Variants in NASP observed in about 807,000 individuals in gnomAD.
NASP encodes the protein NASP histone chaperone.
NASP carries 24 observed loss-of-function variants against 89.5 expected under a neutral mutation model. The ratio of observed to expected loss-of-function variants is 0.27; its 90% CI spans 0.19 to 0.38. The LOEUF (loss-of-function observed/expected upper bound fraction) is 0.38. Among genes scored for constraint, NASP ranks in the 10% least tolerant of loss-of-function variants. The pLI is 1.00. For synonymous variants in NASP, 306 were observed against 324.7 expected (o/e 0.94, Z 0.62); for missense variants, 848 against 921.4 (o/e 0.92, Z 1.03).
chr1:45,588,357 C>G lies in NASP; in HGVS notation c.60-2866C>G, dbSNP rs75198497. 3.5e-3 allele frequency among the ~76,000 whole-genome samples: 535 copies of G among 152,212 alleles called. 6 individuals are homozygous for G. Among genetic ancestry groups the G allele is most frequent in the East Asian group, 0.034 (175 of 5,118 alleles). ...GACCTCAGGTGATCCACTCACCTTG[C>G]CTTTCCAAAGTTCTGGGATTATAGG... On this transcript the variant is annotated intron_variant, in intron 1 of 14. Transcript: ENST00000350030.
Position 45,617,554 on chromosome 1 carries a change from C to T in NASP, c.2249C>T (p.Pro750Leu), listed in dbSNP as rs72883665. ...AACGGAGGCAGTGGGGATGCTGTCC[C>T]CAGTGGAAATGAAGTTTCGGAAAAC... ...EVNGGSGDAV[P>L]SGNEVSENME... Residue 750 changes from proline (P) to leucine (L), a missense_variant, in exon 14 of 15, where the codon CCC (proline) becomes CTC (leucine). Pro to Leu is a moderately conservative substitution (Grantham distance 98, BLOSUM62 -3). This residue lies in a region of NASP where 218 missense variants were observed against 219.6 expected (regional missense o/e 0.99). Transcript: ENST00000350030. 1,432 of 1,600,866 alleles carry T rather than the reference C, an allele frequency of 8.9e-4. 11 individuals are homozygous for T. The African/African-American group carries it at 0.017, about 20-fold the overall frequency.
intron 2 of NASP, among the ~76,000 whole-genome samples, chr1:45,598,706 A>G (rs1028927199): frequency 2.0e-5 from 3 of 152,170 alleles, no homozygotes; most frequent in Non-Finnish European, 4.4e-5. Flanking sequence ...ACTGTACAGT[A>G]ATTGATTGCC....
At chr1:45,595,129 TTGTGTGTGTG>T (rs57391869) in intron 2 of NASP, among the ~76,000 whole-genome samples, 6,142 of 111,796 alleles carry the variant, frequency 0.055, 238 homozygotes, top group African/African-American at 0.12. Context: ...AGACTAAGTT[TTGTGTGTGTG>T]TGTGTGTGTG....
chr1:45,613,031 C>G (rs1427850931), intron 6 of NASP, 138 bp from the exon 7 acceptor site: 10 of 1,222,142 alleles, frequency 8.2e-6, no homozygotes, highest in Non-Finnish European at 1.1e-5. Context: ...ACGATATATT[C>G]AGTTCAGGTG....
chr1:45,598,869 T>C (rs772219598), intron 2 of NASP, among the ~76,000 whole-genome samples: 1 of 149,116 alleles, frequency 6.7e-6, no homozygotes, highest in Non-Finnish European at 1.5e-5. Flanking sequence ...TCAATAACTT[T>C]ATGAGGTGTA....
rs202034638 is a variant in NASP, at chr1:45,597,150, T to TA, written c.108-5104dup. Among the ~76,000 whole-genome samples, 1,147 of 151,938 alleles carry TA rather than the reference T, an allele frequency of 7.5e-3. 14 individuals are homozygous for TA. Among genetic ancestry groups the TA allele is most frequent in the Admixed American group, 0.015 (232 of 15,254 alleles). On this transcript the variant is annotated intron_variant, in intron 2 of 14. Transcript: ENST00000350030. ...ATGGTGAAACCGTCTCTACTAAAAA[T>TA]ACAAAAATTAGCTGGGTGTGGTGGT...
In NASP at chr1:45,586,306, T is replaced by TGTGTGTGTGG. The variant is rs1312927441; in HGVS notation, c.59+2104_59+2105insTGTGTGGGTG. Among the ~76,000 whole-genome samples, 3 of 130,964 alleles carry TGTGTGTGTGG rather than the reference T, an allele frequency of 2.3e-5. No homozygotes were observed. The East Asian group carries it at 7.0e-4, about 31-fold the overall frequency. The allele number at this position is 130,964 out of a possible 152,430, so 85.9% of individuals were successfully genotyped here. ...TGTGGTGTGTGTGTGTGTGTGTGTG[T>TGTGTGTGTGG]GTGGTGTGTGTGTGTGTCACCCAGG... is the stretch of plus-strand genomic sequence containing the variant. On this transcript the variant is annotated intron_variant, in intron 1 of 14. Transcript: ENST00000350030.
In NASP at chr1:45,600,632, TAAAG is replaced by T. The variant is rs372071652; in HGVS notation, c.108-1622_108-1619del. Among the ~76,000 whole-genome samples, 584 of 152,372 alleles carry T rather than the reference TAAAG, an allele frequency of 3.8e-3. 4 individuals carry two copies. Among genetic ancestry groups the T allele is most frequent in the African/African-American group, 0.013 (552 of 41,592 alleles). On this transcript the variant is annotated intron_variant, in intron 2 of 14. Transcript: ENST00000350030. ...GGGTTTCCAGTTTTTGGCTTACAAA[TAAAG>T]CTGCTGTGAATATTTGTGTACAAGT...
chr1:45,616,573 A>G, intron 12 of NASP, 53 bp from the exon 13 acceptor site: 1 of 1,574,616 alleles, frequency 6.4e-7, no homozygotes, highest in South Asian at 1.1e-5. Context: ...TAAAAGCCTC[A>G]GCATTGATCT....
At chr1:45,612,998 C>T (rs1644041239) in intron 6 of NASP, 171 bp from the exon 7 acceptor site, 1 of 881,452 alleles carries the variant, frequency 1.1e-6, no homozygotes, top group Admixed American at 3.9e-5. Flanking sequence ...CTAGGTTACA[C>T]TTGAACTAGA....
rs552804607 is a variant in NASP, at chr1:45,593,360, C to G, written c.107+2090C>G. Among the ~76,000 whole-genome samples the G allele has an allele frequency of 1.9e-3, 288 of 151,978 alleles. 1 individual carries two copies. Among genetic ancestry groups the G allele is most frequent in the Non-Finnish European group, 3.5e-3 (239 of 67,986 alleles). ...CCAGCCTGGCCAACATGGTGAAACC[C>G]TCTCTCTACTAAAAATACAAAAATT... On this transcript the variant is annotated intron_variant, in intron 2 of 14. Coordinates refer to ENST00000350030, the MANE Select transcript of NASP (RefSeq NM_002482.4).
At chr1:45,591,347 ATTTT>A (rs1643543557) in intron 2 of NASP, 77 bp downstream of exon 2, 1 of 1,021,260 alleles carries the variant, frequency 9.8e-7, no homozygotes, top group African/African-American at 1.7e-5. Flanking sequence ...AGTTATTTTT[ATTTT>A]TTAATTAATT....
Position 45,608,025 on chromosome 1 carries a change from C to T in NASP, c.1114C>T (p.Pro372Ser), listed in dbSNP as rs200497808. The change falls in exon 6 of 15, where the codon CCA (proline) becomes TCA (serine). Residue 372 changes from proline to serine, a missense_variant. This residue lies in a region of NASP where 464 missense variants were observed against 469.4 expected (regional missense o/e 0.99). Coordinates refer to ENST00000350030, the MANE Select transcript of NASP (RefSeq NM_002482.4). Reference protein sequence around the residue: ...EVSEKPGQEAPVLPKDGAVNG... With the variant: ...EVSEKPGQEASVLPKDGAVNG... ...CTCTGAAAAGCCTGGGCAGGAGGCT[C>T]CAGTTCTCCCTAAGGATGGTGCAGT... The T allele has an allele frequency of 6.4e-7, 1 of 1,562,686 alleles. No homozygotes were observed.
intron 2 of NASP, chr1:45,600,456 C>T (rs1318400326): frequency 7.4e-6 from 9 of 1,221,662 alleles, no homozygotes; most frequent in East Asian, 6.5e-5. Flanking sequence ...TAGAATCATA[C>T]AGTAAGTACT....
chr1:45,602,030 G>A (rs532198058), intron 2 of NASP, among the ~76,000 whole-genome samples: 1 of 152,234 alleles, frequency 6.6e-6, no homozygotes, highest in African/African-American at 2.4e-5. Flanking sequence ...GGGATTACAG[G>A]CATGAGTCAC....
At position 45,607,882 on chromosome 1, in the gene NASP, A is replaced by C. The variant is rs755510169; in HGVS notation, c.971A>C (p.Glu324Ala). The change falls in exon 6 of 15, where the codon GAG becomes GCG. Residue 324 changes from glutamate (E) to alanine (A), a missense_variant. Glu to Ala is a moderately radical substitution (Grantham distance 107, BLOSUM62 -1). Transcript: ENST00000350030. ...PEEKVVTSEN[E>A]AGKAVLEQLV... ...GAGAAGGTAGTTACCTCTGAAAACG[A>C]GGCAGGAAAGGCGGTTCTTGAACAA... is the stretch of plus-strand genomic sequence containing the variant. 5.0e-6 allele frequency: 8 copies of C among 1,614,058 alleles called. No individual in the cohort carries two copies. The Admixed American group carries it at 1.3e-4, about 27-fold the overall frequency.
At chr1:45,609,206 T>C (rs1047473732) in intron 6 of NASP, 5 of 152,210 alleles carry the variant, frequency 3.3e-5, no homozygotes, top group African/African-American at 1.2e-4. Context: ...TGTATATAAG[T>C]TTCATCTAAC....
chr1:45,613,390 C>T (rs1366949503), intron 7 of NASP, 142 bp downstream of exon 7: 6 of 923,202 alleles, frequency 6.5e-6, no homozygotes, highest in Admixed American at 3.5e-5. Context: ...CTTAAGTGAT[C>T]GCCTCACCTC....
chr1:45,614,283 C>T lies in NASP; in HGVS notation c.1593-10C>T, dbSNP rs746306760. ...CTGTTAAGGTTTTTGATCAATTTTCCTTCTTTTAGGCAAGAAACAAAAGAA... is the reference window on the plus strand; with the variant it reads ...CTGTTAAGGTTTTTGATCAATTTTCTTTCTTTTAGGCAAGAAACAAAAGAA... On this transcript the variant is annotated splice_polypyrimidine_tract_variant and intron_variant, in intron 8 of 14. Transcript: ENST00000350030. The T allele has an allele frequency of 1.2e-6, 2 of 1,613,292 alleles. No individual in the cohort carries two copies. Among genetic ancestry groups the T allele is most frequent in the East Asian group, 2.2e-5 (1 of 44,868 alleles).
Sources: allele counts gnomAD v4.1 joint callset (sites outside exome capture counted in the v4.1 genomes callset), GRCh38; gene constraint gnomAD v4.1.1; regional missense constraint gnomAD v4.1.1; transcripts MANE v1.5; gene names NCBI Gene and HGNC (gene_info 2026-07-23, HGNC 2026-07-21).